MAP3K5: variants seen among roughly 807,000 people sequenced by gnomAD.
MAP3K5 encodes the protein ASK-1.
A neutral mutation model predicts 158.7 loss-of-function variants in MAP3K5; 56 were observed. That is an observed-to-expected ratio of 0.35 (90% CI 0.28 to 0.44). The LOEUF (loss-of-function observed/expected upper bound fraction) is 0.44. Among genes scored for constraint, MAP3K5 ranks in the 20% least tolerant of loss-of-function variants. The probability of loss-of-function intolerance (pLI) is 1.00; values close to 1 mark genes in which losing one functional copy is unlikely to be tolerated. For synonymous variants in MAP3K5, 579 were observed against 601.7 expected, an observed-to-expected ratio of 0.96 and a Z score of 0.55; for missense variants, 1,294 against 1,674.8, an observed-to-expected ratio of 0.77 and a Z score of 3.97.
At chr6:136,674,696 A>C (rs1427136489) in intron 7 of MAP3K5, among the ~76,000 whole-genome samples, 2 of 152,040 alleles carry the variant, frequency 1.3e-5, no homozygotes, top group Non-Finnish European at 2.9e-5. Context: ...AAAAAATGCA[A>C]GTATATTCAT....
Position 136,567,642 on chromosome 6 carries a change from T to C in MAP3K5, c.3750A>G (p.Ile1250Met). Residue 1250 changes from isoleucine (I) to methionine (M), a missense_variant, in exon 26 of 30, where the codon ATA becomes ATG. By Grantham distance (10) the Ile-to-Met change is conservative. Transcript: ENST00000359015. ...SLNVQLGRMK[I>M]ETNRLLEELV... ...AGTGTAGGACTTACCTATTGGTTTC[T>C]ATTTTCATCCTTCCAAGCTGTACAT... The C allele has an allele frequency of 2.5e-6, 4 of 1,613,672 alleles. No individual in the cohort carries two copies. The highest frequency in any genetic ancestry group is 2.2e-5 in the East Asian group (1 of 44,876).
At position 136,697,339 on chromosome 6, in the gene MAP3K5, A is replaced by C; in HGVS notation, c.855T>G (p.Asn285Lys). ...CTGCCAATTCTTTACCAGTGTATAA[A>C]TTACGAGCTTTCCTGATGTCATTGA... ...SILNDIRKAR[N>K]LYTGKELAAE... Residue 285 changes from asparagine (N) to lysine (K), a missense_variant, in exon 5 of 30, where the codon AAT becomes AAG. This residue lies in a region of MAP3K5 where 690 missense variants were observed against 870.5 expected (regional missense o/e 0.79). Coordinates refer to ENST00000359015, the MANE Select transcript of MAP3K5 (RefSeq NM_005923.4). 2 of 1,613,730 alleles carry C rather than the reference A, an allele frequency of 1.2e-6. No individual in the cohort carries two copies. The highest frequency in any genetic ancestry group is 1.7e-6 in the Non-Finnish European group (2 of 1,179,762).
At chr6:136,705,903 A>G (rs749051866) in intron 2 of MAP3K5, among the ~76,000 whole-genome samples, 18 of 152,212 alleles carry the variant, frequency 1.2e-4, no homozygotes, top group Non-Finnish European at 2.4e-4. Context: ...ATCCACACAC[A>G]GATAATCAAG....
At chr6:136,733,925 G>A (rs748463476) in intron 1 of MAP3K5, among the ~76,000 whole-genome samples, 1 of 152,080 alleles carries the variant, frequency 6.6e-6, no homozygotes, top group Non-Finnish European at 1.5e-5. Flanking sequence ...ATCATACAGA[G>A]TATGAGACCA....
At chr6:136,629,419 G>C (rs1215536675) in intron 14 of MAP3K5, 2 of 152,122 alleles carry the variant, frequency 1.3e-5, no homozygotes, top group Non-Finnish European at 2.9e-5. Context: ...CAAATATCTA[G>C]TGTGATGGAT....
chr6:136,650,439 G>A (rs1778468717), intron 11 of MAP3K5, among the ~76,000 whole-genome samples: 1 of 152,218 alleles, frequency 6.6e-6, no homozygotes, highest in Admixed American at 6.5e-5. Flanking sequence ...GCTATGAGCG[G>A]AAGTGAGACT....
chr6:136,617,199 C>T (rs972698272), intron 15 of MAP3K5, among the ~76,000 whole-genome samples: 2 of 152,142 alleles, frequency 1.3e-5, no homozygotes, highest in Non-Finnish European at 2.9e-5. Flanking sequence ...AAGTACTCTT[C>T]TCCAATATAA....
intron 1 of MAP3K5, among the ~76,000 whole-genome samples, chr6:136,767,451 G>A (rs1317877811): frequency 6.6e-6 from 1 of 152,074 alleles, no homozygotes; most frequent in Non-Finnish European, 1.5e-5. Context: ...CCACCGCTGG[G>A]CTGTGATAAA....
intron 1 of MAP3K5, among the ~76,000 whole-genome samples, chr6:136,768,957 A>G (rs1487553988): frequency 6.6e-6 from 1 of 152,088 alleles, no homozygotes; most frequent in African/African-American, 2.4e-5. Flanking sequence ...TGATTCCTCA[A>G]AAAGTTCAGC....
At chr6:136,779,610 C>G (rs1030618422) in intron 1 of MAP3K5, among the ~76,000 whole-genome samples, 7 of 152,116 alleles carry the variant, frequency 4.6e-5, no homozygotes, top group Admixed American at 2.6e-4. Context: ...AATCTTACAG[C>G]AGTTTGCTAG....
intron 7 of MAP3K5, among the ~76,000 whole-genome samples, chr6:136,676,793 C>CTT (rs67161871): frequency 1.1e-4 from 15 of 130,722 alleles, no homozygotes; most frequent in East Asian, 2.1e-4. Context: ...CTTTTCTTTT[C>CTT]TTTTTTTTTT....
At chr6:136,757,992 T>A (rs1406761963) in intron 1 of MAP3K5, among the ~76,000 whole-genome samples, 1 of 152,224 alleles carries the variant, frequency 6.6e-6, no homozygotes, top group African/African-American at 2.4e-5. Context: ...ATAGGAGAGT[T>A]ATATAAAAGT....
intron 14 of MAP3K5, chr6:136,637,016 A>C: frequency 9.0e-7 from 1 of 1,114,778 alleles, no homozygotes; most frequent in Non-Finnish European, 1.1e-6. Flanking sequence ...AATTGCACAT[A>C]TCTCAGAGGA....
intron 1 of MAP3K5, among the ~76,000 whole-genome samples, chr6:136,767,865 G>A (rs991919466): frequency 3.9e-5 from 6 of 152,204 alleles, no homozygotes; most frequent in South Asian, 2.1e-4. Flanking sequence ...ATCAAATGGA[G>A]ACTATGGGAA....
At chr6:136,697,139 A>T in intron 5 of MAP3K5, 80 bp downstream of exon 5, 5 of 1,298,238 alleles carry the variant, frequency 3.9e-6, no homozygotes, top group Non-Finnish European at 5.3e-6. Flanking sequence ...GCTTACCAGC[A>T]AACTGAAATT....
intron 24 of MAP3K5, among the ~76,000 whole-genome samples, chr6:136,583,202 T>C (rs1774964971): frequency 6.6e-6 from 1 of 152,252 alleles, no homozygotes; most frequent in African/African-American, 2.4e-5. Flanking sequence ...TAGATGGCAT[T>C]TCTCATATAG....
chr6:136,561,716 CA>C, intron 27 of MAP3K5, 71 bp from the exon 28 acceptor site: 1 of 830,676 alleles, frequency 1.2e-6, no homozygotes, highest in South Asian at 1.4e-5. Context: ...TCACAATCAA[CA>C]GACATTTATT....
At position 136,687,110 on chromosome 6, in the gene MAP3K5, AATACCACC is replaced by A. The variant is rs1388539042; in HGVS notation, c.1253+7022_1253+7029del. 4.6e-5 allele frequency among the ~76,000 whole-genome samples: 7 copies of A among 152,338 alleles called. 1 individual carries two copies. The highest frequency in any genetic ancestry group is 1.7e-4 in the African/African-American group (7 of 41,574). On this transcript the variant is annotated intron_variant, in intron 7 of 29. Coordinates refer to ENST00000359015, the MANE Select transcript of MAP3K5 (RefSeq NM_005923.4). ...AATGGAACACAACAGAGGCCTCAGA[AATACCACC>A]ATACATCTCCGACCATCTGATCTTT...
At position 136,637,235 on chromosome 6, in the gene MAP3K5, C is replaced by T. The variant is rs367660336; in HGVS notation, c.2016+90G>A. 2.5e-5 allele frequency: 32 copies of T among 1,257,530 alleles called. No individual in the cohort carries two copies. In the East Asian group the frequency reaches 7.5e-4, roughly 29 times the overall value. 77.9% of individuals were successfully genotyped at this position (1,257,530 alleles called of 1,614,324 possible). A position where few individuals can be genotyped will look rare whatever the true frequency, so the allele number is the denominator to read the frequency against. On this transcript the variant is annotated intron_variant, in intron 14 of 29. Coordinates refer to ENST00000359015, the MANE Select transcript of MAP3K5 (RefSeq NM_005923.4). ...GAAAGCCTACAGACAGTCTCCTACCCCTCATACACCCTGCCTCCTGCCTCA... is the reference window on the plus strand; with the variant it reads ...GAAAGCCTACAGACAGTCTCCTACCTCTCATACACCCTGCCTCCTGCCTCA...
Sources: allele counts gnomAD v4.1 joint callset (sites outside exome capture counted in the v4.1 genomes callset), GRCh38; gene constraint gnomAD v4.1.1; regional missense constraint gnomAD v4.1.1; transcripts MANE v1.5; gene names NCBI Gene and HGNC (gene_info 2026-07-23, HGNC 2026-07-21).